The following SLC22A12 variants were observed in gnomAD, a reference collection of about 807,000 sequenced individuals.
SLC22A12 encodes organic anion transporter 4-like protein.
A neutral mutation model predicts 52.7 loss-of-function variants in SLC22A12; 56 were observed. That is an observed-to-expected ratio of 1.06 (90% confidence interval 0.86 to 1.33). SLC22A12 has a LOEUF of 1.33. Among genes scored for constraint, SLC22A12 ranks in the 40% most tolerant of loss-of-function variants. The probability of loss-of-function intolerance (pLI) is 0.00; values close to 1 mark genes in which losing one functional copy is unlikely to be tolerated. For missense variants in SLC22A12, 683 were observed against 741.5 expected (o/e 0.92, Z 0.92); for synonymous variants, 337 against 324.6 (o/e 1.04, Z -0.41).
rs1486991724 is a variant in SLC22A12 at position 64,594,492 on chromosome 11, AGG to A, written c.830+690_830+691del. ...GGTAAGTAGAAATAGATAGATAGGTAGGTAGGTAGGTAGGTAGGTAGGTAGGT... is the reference window on the plus strand; with the variant it reads ...GGTAAGTAGAAATAGATAGATAGGTATAGGTAGGTAGGTAGGTAGGTAGGT... On this transcript the variant is annotated intron_variant, in intron 4 of 9. Transcript: ENST00000377574. 1.7e-3 allele frequency among the ~76,000 whole-genome samples: 11 copies of A among 6,496 alleles called. No homozygotes were observed. The East Asian group carries it at 0.4, about 236-fold the overall frequency. 4.3% of individuals were successfully genotyped at this position (6,496 alleles called of 152,430 possible). A position where few individuals can be genotyped will look rare whatever the true frequency, so the allele number is the denominator to read the frequency against.
intron 4 of SLC22A12, among the ~76,000 whole-genome samples, chr11:64,597,300 C>A (rs1390988053): frequency 6.6e-6 from 1 of 152,100 alleles, no homozygotes; most frequent in Non-Finnish European, 1.5e-5. Context: ...TGCCTGCAGC[C>A]CCAGCTCCCT....
chr11:64,600,948 C>A lies in SLC22A12; in HGVS notation c.1598+10C>A, dbSNP rs777791211. The A allele has an allele frequency of 2.2e-5, 35 of 1,606,260 alleles. No individual in the cohort carries two copies. The highest frequency in any genetic ancestry group is 2.9e-5 in the Non-Finnish European group (34 of 1,179,956). On this transcript the variant is annotated intron_variant, in intron 9 of 9. Coordinates refer to ENST00000377574, the MANE Select transcript of SLC22A12 (RefSeq NM_144585.4). ...AAGATGTGCAGAACCAGTGAGTGGA[C>A]CCAGCCTCGGGACCACCCCTCCCTC...
Position 64,602,318 on chromosome 11 carries a change from G to C in SLC22A12, c.*767G>C, listed in dbSNP as rs1039222823. 1 of 153,152 alleles carries C rather than the reference G, an allele frequency of 6.5e-6. No homozygotes were observed. Among genetic ancestry groups the C allele is most frequent in the Non-Finnish European group, 1.5e-5 (1 of 68,752 alleles). 9.5% of individuals were successfully genotyped at this position (153,152 alleles called of 1,614,324 possible). A position where few individuals can be genotyped will look rare whatever the true frequency, so the allele number is the denominator to read the frequency against. ...CGCTGGGCCAGAGAGGCATTGGTGC[G>C]AGGGATTGAATAAAGAAACAAATGA... On this transcript the variant is annotated 3_prime_UTR_variant, in exon 10 of 10. Transcript: ENST00000377574.
chr11:64,600,760 A>G lies in SLC22A12; in HGVS notation c.1420A>G (p.Met474Val). ...GATGACGGCAGTGGGCTTGGGCCAG[A>G]TGGCAGCCCGTGGAGGAGCCATCCT... ...LRMTAVGLGQMAARGGAILGP... is the reference protein window; with the variant it reads ...LRMTAVGLGQVAARGGAILGP... Residue 474 changes from methionine to valine, a missense_variant, in exon 9 of 10, where the codon ATG becomes GTG. Coordinates refer to ENST00000377574, the MANE Select transcript of SLC22A12 (RefSeq NM_144585.4). 1.9e-6 allele frequency: 3 copies of G among 1,605,346 alleles called. No individual in the cohort carries two copies. Among genetic ancestry groups the G allele is most frequent in the Non-Finnish European group, 8.5e-7 (1 of 1,179,902 alleles).
intron 4 of SLC22A12, among the ~76,000 whole-genome samples, chr11:64,597,031 C>A (rs529070241): frequency 5.3e-5 from 8 of 152,204 alleles, no homozygotes; most frequent in Admixed American, 4.6e-4. Context: ...CCACGTGGAG[C>A]TCATAGGGAA....
rs1218791146 is a variant in SLC22A12 at position 64,593,706 on chromosome 11, C to T, written c.733C>T (p.His245Tyr). The T allele has an allele frequency of 6.2e-7, 1 of 1,614,090 alleles. No individual in the cohort carries two copies. The highest frequency in any genetic ancestry group is 8.5e-7 in the Non-Finnish European group (1 of 1,180,034). Residue 245 changes from histidine (H) to tyrosine (Y), a missense_variant, in exon 4 of 10, where the codon CAT (histidine) becomes TAT (tyrosine). By Grantham distance (83) the His-to-Tyr change is moderately conservative. Transcript: ENST00000377574. Reference sequence around the variant, plus strand: ...GAACTCTCTGGGCTTCAGCTTCGGCCATGGCCTGACAGCTGCAGTGGCCTA... The same window carrying T: ...GAACTCTCTGGGCTTCAGCTTCGGCTATGGCCTGACAGCTGCAGTGGCCTA... ...TLNSLGFSFG[H>Y]GLTAAVAYGV...
In SLC22A12 at chr11:64,592,740, T is replaced by C. The variant is rs766924101; in HGVS notation, c.403-39T>C. The C allele has an allele frequency of 7.0e-6, 11 of 1,567,024 alleles. No individual in the cohort carries two copies. In the East Asian group the frequency reaches 2.5e-4, roughly 35 times the overall value. The stretch of plus-strand genomic sequence containing the variant: ...TTCCTCTGCCTCTCTGCTGGGGCTC[T>C]CCCAACCTCCTGAGCTCAGCCTCCT... On this transcript the variant is annotated intron_variant, in intron 1 of 9. Transcript: ENST00000377574.
intron 5 of SLC22A12, 47 bp from the exon 6 acceptor site, chr11:64,598,761 G>A (rs777170783): frequency 1.3e-5 from 21 of 1,610,504 alleles, no homozygotes; most frequent in South Asian, 1.1e-5. Flanking sequence ...AGAGGAGGAG[G>A]TGCCTGGCGC....
rs558826739 is a variant in SLC22A12, at chr11:64,598,501, C to A, written c.831-15C>A. ...GCCACAGGCAATGACCCCTCCCACG[C>A]CCCCTCCACTTAAGGTGGCTGGCAG... On this transcript the variant is annotated splice_polypyrimidine_tract_variant and intron_variant, in intron 4 of 9. Transcript: ENST00000377574. 1 of 1,564,412 alleles carries A rather than the reference C, an allele frequency of 6.4e-7. No homozygotes were observed. The highest frequency in any genetic ancestry group is 1.9e-5 in the Admixed American group (1 of 52,526).
chr11:64,601,033 C>A, intron 9 of SLC22A12, 95 bp downstream of exon 9: 1 of 1,496,060 alleles, frequency 6.7e-7, no homozygotes, highest in Non-Finnish European at 9.1e-7. Flanking sequence ...TTGACAGAGG[C>A]GGAAGCAGAG....
intron 4 of SLC22A12, among the ~76,000 whole-genome samples, chr11:64,595,756 TG>T (rs2039159622): frequency 6.9e-6 from 1 of 144,040 alleles, no homozygotes; most frequent in Non-Finnish European, 1.5e-5. Context: ...TTGGAATAGA[TG>T]GATGGATGGA....
At chr11:64,600,497 A>G (rs2039419228) in intron 8 of SLC22A12, 22 bp downstream of exon 8, 6 of 1,563,046 alleles carry the variant, frequency 3.8e-6, no homozygotes, top group Non-Finnish European at 4.3e-6. Flanking sequence ...CCTGGGCTCC[A>G]GGAGAGGGGA....
At position 64,593,558 on chromosome 11, in the gene SLC22A12, C is replaced by G; in HGVS notation, c.660C>G (p.Leu220=). ...GCGTCATGATGAACACGGGCACTCT[C>G]CGTAGGTCTCTGACCTGGCGCCATG... ...VAGVMMNTGT[L]LMEWTAARAR... is the part of the protein sequence containing the mutation. The change falls in exon 3 of 10, where the codon CTC becomes CTG. Residue 220 remains leucine (L), a splice_region_variant and synonymous_variant. Transcript: ENST00000377574. 6.2e-7 allele frequency: 1 copy of G among 1,614,172 alleles called. No homozygotes were observed. The highest frequency in any genetic ancestry group is 8.5e-7 in the Non-Finnish European group (1 of 1,180,044).
intron 4 of SLC22A12, among the ~76,000 whole-genome samples, chr11:64,594,557 C>T (rs1455000666): frequency 6.6e-6 from 1 of 152,090 alleles, no homozygotes; most frequent in East Asian, 1.9e-4. Context: ...AATGGGTTGA[C>T]AGATGTGTGG....
intron 9 of SLC22A12, 68 bp from the exon 10 acceptor site, chr11:64,601,420 T>G (rs2039451142): frequency 6.6e-7 from 1 of 1,525,768 alleles, no homozygotes; most frequent in Admixed American, 1.8e-5. Flanking sequence ...GTCCTTGGGA[T>G]GGACACAGGT....
At position 64,593,692 on chromosome 11, in the gene SLC22A12, G is replaced by A. The variant is rs1217615862; in HGVS notation, c.719G>A (p.Gly240Asp). 3 of 1,614,150 alleles carry A rather than the reference G, an allele frequency of 1.9e-6. No homozygotes were observed. Among genetic ancestry groups the A allele is most frequent in the South Asian group, 2.2e-5 (2 of 91,080 alleles). ...RPLVMTLNSL[G>D]FSFGHGLTAA... ...TTGGTGATGACCTTGAACTCTCTGGGCTTCAGCTTCGGCCATGGCCTGACA... is the reference window on the plus strand; with the variant it reads ...TTGGTGATGACCTTGAACTCTCTGGACTTCAGCTTCGGCCATGGCCTGACA... The change falls in exon 4 of 10, where the codon GGC (glycine) becomes GAC (aspartate). Residue 240 changes from glycine to aspartate, a missense_variant. By Grantham distance (94) the Gly-to-Asp change is moderately conservative (BLOSUM62 -1). Transcript: ENST00000377574.
At chr11:64,594,871 TTGGAATGGA>T in intron 4 of SLC22A12, among the ~76,000 whole-genome samples, 1 of 111,312 alleles carries the variant, frequency 9.0e-6, no homozygotes, top group East Asian at 2.9e-4. Flanking sequence ...GGATGGATGG[TTGGAATGGA>T]TGGATGGATG....
intron 6 of SLC22A12, 134 bp from the exon 7 acceptor site, chr11:64,599,542 A>C: frequency 3.3e-5 from 22 of 674,226 alleles, no homozygotes; most frequent in East Asian, 2.0e-4. Context: ...CAGAGCTGGC[A>C]GCTGAAGGGC....
At chr11:64,601,248 G>A (rs905824134) in intron 9 of SLC22A12, among the ~76,000 whole-genome samples, 1 of 152,188 alleles carries the variant, frequency 6.6e-6, no homozygotes, top group Non-Finnish European at 1.5e-5. Context: ...TCCTTTGTGA[G>A]AGGGAGATCC....
Sources: allele counts gnomAD v4.1 joint callset (sites outside exome capture counted in the v4.1 genomes callset), GRCh38; gene constraint gnomAD v4.1.1; transcripts MANE v1.5; gene names NCBI Gene and HGNC (gene_info 2026-07-23, HGNC 2026-07-21).